LMBR1: variants seen among roughly 807,000 people sequenced by gnomAD.
LMBR1 encodes limb region 1 protein homolog.
A neutral mutation model predicts 73.9 loss-of-function variants in LMBR1; 52 were observed. That is an observed-to-expected ratio of 0.70 (90% CI 0.56 to 0.89). The LOEUF (loss-of-function observed/expected upper bound fraction) is 0.89, where lower values mean the gene tolerates loss of function less well. LMBR1 is among the 40% of genes least tolerant of loss of function. The probability of loss-of-function intolerance (pLI) is 0.00; values close to 1 mark genes in which losing one functional copy is unlikely to be tolerated. For missense variants in LMBR1, 539 were observed against 579.8 expected (o/e 0.93, Z 0.72); for synonymous variants, 215 against 209.4 (o/e 1.03, Z -0.23).
At chr7:156,719,267 TG>T (rs1213574373) in intron 15 of LMBR1, among the ~76,000 whole-genome samples, 4 of 151,870 alleles carry the variant, frequency 2.6e-5, no homozygotes, top group Non-Finnish European at 5.9e-5. Flanking sequence ...TTACTGAGAA[TG>T]ATGATTTCCA....
intron 1 of LMBR1, among the ~76,000 whole-genome samples, chr7:156,885,420 G>A (rs1376222767): frequency 1.3e-5 from 2 of 151,962 alleles, no homozygotes; most frequent in Admixed American, 6.6e-5. Context: ...GCCAAGAGGG[G>A]AGCTTAAGCC....
At chr7:156,770,152 C>T (rs542833292) in intron 5 of LMBR1, among the ~76,000 whole-genome samples, 1 of 152,054 alleles carries the variant, frequency 6.6e-6, no homozygotes, top group African/African-American at 2.4e-5. Flanking sequence ...GGAAAATTTA[C>T]AAAAATGAAT....
chr7:156,818,443 T>C (rs76828852), intron 4 of LMBR1, among the ~76,000 whole-genome samples: 2,509 of 152,260 alleles, frequency 0.016, 60 homozygotes, highest in African/African-American at 0.054. Context: ...TTAGCCAAAA[T>C]TGGGCCCCAC....
chr7:156,723,138 C>T (rs1312195304), intron 15 of LMBR1, among the ~76,000 whole-genome samples: 3 of 86,882 alleles, frequency 3.5e-5, no homozygotes, highest in African/African-American at 1.4e-4. Flanking sequence ...GAACAGTGGT[C>T]CCTTTACATT....
chr7:156,768,379 A>T (rs1427572787), intron 5 of LMBR1, among the ~76,000 whole-genome samples: 3 of 152,202 alleles, frequency 2.0e-5, no homozygotes, highest in Non-Finnish European at 4.4e-5. Flanking sequence ...CAAAAAAGTA[A>T]ATAAATAAAT....
intron 5 of LMBR1, among the ~76,000 whole-genome samples, chr7:156,779,364 C>A (rs1433443613): frequency 1.3e-5 from 2 of 152,070 alleles, no homozygotes; most frequent in African/African-American, 4.8e-5. Flanking sequence ...ACTTTTCTGC[C>A]AATGAAACAT....
chr7:156,860,836 C>G (rs144806872), intron 1 of LMBR1, among the ~76,000 whole-genome samples: 29 of 152,260 alleles, frequency 1.9e-4, no homozygotes, highest in Admixed American at 1.9e-3. Context: ...TCCTTTGACA[C>G]CATGTCTCAC....
intron 4 of LMBR1, among the ~76,000 whole-genome samples, chr7:156,801,687 G>A (rs60195834): frequency 0.037 from 5,638 of 152,046 alleles, 135 homozygotes; most frequent in South Asian, 0.085. Context: ...ACATGCCACC[G>A]TGCCAGGCTG....
At chr7:156,842,659 T>C (rs1838925843) in intron 1 of LMBR1, among the ~76,000 whole-genome samples, 1 of 152,202 alleles carries the variant, frequency 6.6e-6, no homozygotes. Context: ...TTTTAATTCC[T>C]ATTCCAGAAG....
chr7:156,779,111 C>T (rs1000029827), intron 5 of LMBR1, among the ~76,000 whole-genome samples: 2 of 152,138 alleles, frequency 1.3e-5, no homozygotes, highest in African/African-American at 4.8e-5. Flanking sequence ...ACTATAAGAA[C>T]TTCTATTTAT....
At chr7:156,883,786 G>A (rs1801465695) in intron 1 of LMBR1, among the ~76,000 whole-genome samples, 1 of 152,216 alleles carries the variant, frequency 6.6e-6, no homozygotes, top group Non-Finnish European at 1.5e-5. Flanking sequence ...CTCTGCCTCT[G>A]TCATCACATC....
At chr7:156,845,226 G>A (rs1045342498) in intron 1 of LMBR1, among the ~76,000 whole-genome samples, 1 of 152,078 alleles carries the variant, frequency 6.6e-6, no homozygotes, top group Non-Finnish European at 1.5e-5. Context: ...ACAAAATCCT[G>A]AGAGAGAAAG....
At chr7:156,800,115 G>T (rs1372677800) in intron 4 of LMBR1, among the ~76,000 whole-genome samples, 1 of 152,236 alleles carries the variant, frequency 6.6e-6, no homozygotes. Flanking sequence ...TTCTCCAGAA[G>T]ATCTGGCTAA....
chr7:156,783,885 T>A (rs997361598), intron 5 of LMBR1, among the ~76,000 whole-genome samples: 2 of 152,196 alleles, frequency 1.3e-5, no homozygotes, highest in African/African-American at 4.8e-5. Context: ...CATCAAAGTG[T>A]ATGTGTAGAA....
At chr7:156,723,801 A>G (rs1056957577) in intron 15 of LMBR1, among the ~76,000 whole-genome samples, 3 of 152,156 alleles carry the variant, frequency 2.0e-5, no homozygotes, top group African/African-American at 7.2e-5. Flanking sequence ...AGTTTAATGC[A>G]GTTTCCTCAC....
At position 156,682,274 on chromosome 7, in the gene LMBR1, G is replaced by C. The variant is rs1183953819; in HGVS notation, c.*1804C>G. On this transcript the variant is annotated 3_prime_UTR_variant, in exon 17 of 17. Coordinates refer to ENST00000353442, the MANE Select transcript of LMBR1 (RefSeq NM_022458.4). The stretch of plus-strand genomic sequence containing the variant: ...TTTCCAAGTATCTAGGAACTCTTTG[G>C]ATGTGCCTGAAAGTGGTGTAAGTGA... The C allele has an allele frequency of 6.6e-6, 1 of 151,632 alleles. No homozygotes were observed. The highest frequency in any genetic ancestry group is 1.5e-5 in the Non-Finnish European group (1 of 67,912). 9.4% of individuals were successfully genotyped at this position (151,632 alleles called of 1,614,324 possible). A position where few individuals can be genotyped will look rare whatever the true frequency, so the allele number is the denominator to read the frequency against.
chr7:156,775,974 C>A (rs559583241), intron 5 of LMBR1, among the ~76,000 whole-genome samples: 1 of 151,546 alleles, frequency 6.6e-6, no homozygotes, highest in African/African-American at 2.4e-5. Flanking sequence ...AGTTTCCTCC[C>A]ATGTGAAATG....
chr7:156,704,386 T>C (rs1810454928), intron 15 of LMBR1, among the ~76,000 whole-genome samples: 1 of 152,088 alleles, frequency 6.6e-6, no homozygotes, highest in African/African-American at 2.4e-5. Context: ...CTGCACATCC[T>C]GAAACAAAGC....
chr7:156,687,391 T>C (rs1478296017), intron 16 of LMBR1, among the ~76,000 whole-genome samples: 2 of 152,226 alleles, frequency 1.3e-5, no homozygotes, highest in Non-Finnish European at 2.9e-5. Context: ...GTATAAAACT[T>C]GAAATATGTT....
Sources: gnomAD v4.1 joint callset for allele counts (sites outside exome capture counted in the v4.1 genomes callset) on GRCh38, gnomAD v4.1.1 for gene constraint, MANE v1.5 for transcripts, NCBI Gene and HGNC (gene_info 2026-07-23, HGNC 2026-07-21) for gene names.